The following HHLA2 variants were observed in gnomAD, a reference collection of about 807,000 sequenced individuals.
HHLA2 encodes the protein HERV-H LTR-associating protein 2.
A neutral mutation model predicts 45.9 loss-of-function variants in HHLA2; 48 were observed. That is an observed-to-expected ratio of 1.05 (90% CI 0.83 to 1.33). HHLA2 has a LOEUF of 1.33. Among genes scored for constraint, HHLA2 ranks in the 40% most tolerant of loss-of-function variants. HHLA2 has a pLI of 0.00. For missense variants in HHLA2, 462 were observed against 494.3 expected (o/e 0.93, Z 0.62); for synonymous variants, 161 against 173.9 (o/e 0.93, Z 0.59).
intron 8 of HHLA2, among the ~76,000 whole-genome samples, chr3:108,362,815 C>T (rs1217699701): frequency 6.6e-6 from 1 of 152,016 alleles, no homozygotes; most frequent in East Asian, 1.9e-4. Context: ...ACCAGGATGA[C>T]TTAATCATCC....
chr3:108,337,272 T>C (rs891686798), intron 3 of HHLA2, among the ~76,000 whole-genome samples: 3 of 152,168 alleles, frequency 2.0e-5, no homozygotes, highest in African/African-American at 7.2e-5. Context: ...TATTACATTT[T>C]CCCAATGAAT....
At chr3:108,356,899 G>A (rs1288101541) in intron 6 of HHLA2, among the ~76,000 whole-genome samples, 1 of 152,180 alleles carries the variant, frequency 6.6e-6, no homozygotes, top group Non-Finnish European at 1.5e-5. Context: ...AGTTGCATAA[G>A]GGTAGAATTT....
intron 2 of HHLA2, among the ~76,000 whole-genome samples, chr3:108,322,608 C>T (rs73204170): frequency 0.016 from 2,497 of 152,230 alleles, 28 homozygotes; most frequent in Non-Finnish European, 0.027. Context: ...CTCATCCAAC[C>T]GCCTATCTAT....
chr3:108,332,863 A>T (rs1041057088), intron 3 of HHLA2, among the ~76,000 whole-genome samples: 6 of 152,130 alleles, frequency 3.9e-5, no homozygotes, highest in African/African-American at 1.4e-4. Context: ...CAACCTTAGA[A>T]TCCTTCCCTC....
At position 108,355,371 on chromosome 3, in the gene HHLA2, G is replaced by A. The variant is rs1484014838; in HGVS notation, c.675G>A (p.Trp225Ter). Residue 225 changes from tryptophan (W) to a stop codon, truncating the protein, a stop_gained, in exon 6 of 11, where the codon TGG (tryptophan) becomes TGA (stop). Transcript: ENST00000619531. LOFTEE classifies it high-confidence loss of function. ...TGAAGCAAACATGGACAGGGCGCTG[G>A]ACGATGAAAGGTAGGCTCCACAGGA... is the stretch of plus-strand genomic sequence containing the variant. The A allele has an allele frequency of 6.2e-7, 1 of 1,612,620 alleles. No individual in the cohort carries two copies. The highest frequency in any genetic ancestry group is 1.3e-5 in the African/African-American group (1 of 74,846).
chr3:108,369,983 G>A (rs2082138768), intron 8 of HHLA2, among the ~76,000 whole-genome samples: 1 of 152,230 alleles, frequency 6.6e-6, no homozygotes, highest in South Asian at 2.1e-4. Flanking sequence ...CCAGCACGCA[G>A]CTTGAGATCT....
At chr3:108,350,091 A>T (rs928678300) in intron 3 of HHLA2, among the ~76,000 whole-genome samples, 5 of 152,168 alleles carry the variant, frequency 3.3e-5, no homozygotes, top group Non-Finnish European at 2.9e-5. Flanking sequence ...AAATGAGTTT[A>T]ATGATTACTT....
intron 1 of HHLA2, among the ~76,000 whole-genome samples, chr3:108,299,686 T>C (rs1348723224): frequency 6.6e-6 from 1 of 152,112 alleles, no homozygotes; most frequent in South Asian, 2.1e-4. Flanking sequence ...GGAAGGGACA[T>C]AGAAAACTCA....
intron 3 of HHLA2, chr3:108,328,414 C>T: frequency 2.0e-6 from 2 of 1,012,028 alleles, no homozygotes; most frequent in Non-Finnish European, 2.9e-6. Context: ...AAAATTACTG[C>T]ATGACCAGGA....
chr3:108,342,251 C>CTT (rs1344933583), intron 3 of HHLA2, among the ~76,000 whole-genome samples: 1 of 119,242 alleles, frequency 8.4e-6, no homozygotes, highest in Non-Finnish European at 1.7e-5. Context: ...CCTTTTTCTT[C>CTT]TTTCTCTCTT....
chr3:108,347,606 A>C (rs527606495), intron 3 of HHLA2, among the ~76,000 whole-genome samples: 1 of 152,162 alleles, frequency 6.6e-6, no homozygotes, highest in East Asian at 1.9e-4. Flanking sequence ...AAAAAATATG[A>C]CTCCTGACTG....
intron 2 of HHLA2, among the ~76,000 whole-genome samples, chr3:108,314,254 A>G (rs1275895391): frequency 6.6e-6 from 1 of 152,026 alleles, no homozygotes; most frequent in Non-Finnish European, 1.5e-5. Flanking sequence ...GATTGGGGGA[A>G]CAACTGTAGC....
intron 4 of HHLA2, among the ~76,000 whole-genome samples, chr3:108,352,979 G>A (rs1177800335): frequency 6.6e-6 from 1 of 152,168 alleles, no homozygotes; most frequent in Admixed American, 6.5e-5. Flanking sequence ...TTCTTACCCA[G>A]TCAAGCTGAG....
At chr3:108,323,391 A>C (rs1256715167) in intron 2 of HHLA2, among the ~76,000 whole-genome samples, 3 of 152,124 alleles carry the variant, frequency 2.0e-5, no homozygotes, top group Non-Finnish European at 4.4e-5. Context: ...CCCCATAAAT[A>C]TATATACCTA....
At chr3:108,373,870 G>A (rs1272406075) in intron 8 of HHLA2, among the ~76,000 whole-genome samples, 1 of 151,098 alleles carries the variant, frequency 6.6e-6, no homozygotes, top group Admixed American at 6.6e-5. Flanking sequence ...TCATGGGTAG[G>A]AAGAATCAAT....
chr3:108,364,256 TCC>T (rs1248464425), intron 8 of HHLA2, among the ~76,000 whole-genome samples: 6 of 152,198 alleles, frequency 3.9e-5, no homozygotes, highest in Non-Finnish European at 8.8e-5. Flanking sequence ...TGGTTTTCTG[TCC>T]TTGTGATAGT....
In HHLA2 at chr3:108,358,161, G is replaced by A. The variant is rs201821732; in HGVS notation, c.1003G>A (p.Glu335Lys). ...ACTTACCATCCACACAGTGCATGTA[G>A]GTAAGTTGCAAGTAGGTTTGGATAA... Residue 335 changes from glutamate to lysine, a missense_variant and splice_region_variant, in exon 7 of 11, where the codon GAA (glutamate) becomes AAA (lysine). Glu to Lys is a moderately conservative substitution (Grantham distance 56). Coordinates refer to ENST00000619531, the Ensembl canonical transcript of HHLA2. 266 of 1,593,956 alleles carry A rather than the reference G, an allele frequency of 1.7e-4. 3 individuals are homozygous for A. The Admixed American group carries it at 1.9e-3, about 11-fold the overall frequency.
chr3:108,330,188 G>T (rs1221740149), intron 3 of HHLA2, among the ~76,000 whole-genome samples: 1 of 152,112 alleles, frequency 6.6e-6, no homozygotes, highest in African/African-American at 2.4e-5. Flanking sequence ...TATCAGAAGT[G>T]ACATATCATA....
Position 108,329,333 on chromosome 3 carries a change from C to T in HHLA2, c.-27+986C>T, listed in dbSNP as rs188316065. Among the ~76,000 whole-genome samples the T allele has an allele frequency of 1.7e-4, 26 of 152,144 alleles. No individual in the cohort carries two copies. In the East Asian group the frequency reaches 2.1e-3, roughly 12 times the overall value. On this transcript the variant is annotated intron_variant, in intron 3 of 10. Transcript: ENST00000619531. ...AAAAAAAGAAACGTCCTGACTGAGT[C>T]GTGAAACTGATCCTATAGGGGGTTT...
Sources: gnomAD v4.1 joint callset for allele counts (sites outside exome capture counted in the v4.1 genomes callset) on GRCh38, gnomAD v4.1.1 for gene constraint, MANE v1.5 for transcripts, NCBI Gene and HGNC (gene_info 2026-07-23, HGNC 2026-07-21) for gene names.